Variants in MACF1 observed in about 807,000 individuals in gnomAD.
MACF1 encodes microtubule actin crosslinking factor 1.
In MACF1, 193 loss-of-function variants were observed where a neutral mutation model predicts 854.8. The ratio of observed to expected loss-of-function variants is 0.23; its 90% CI spans 0.20 to 0.25. The LOEUF is 0.25. Among genes scored for constraint, MACF1 ranks in the 10% least tolerant of loss-of-function variants. The pLI, the probability that MACF1 is intolerant of heterozygous loss-of-function variation, is 1.00. For missense variants in MACF1, 7,722 were observed against 8,929.1 expected, an observed-to-expected ratio of 0.86 and a Z score of 5.45; for synonymous variants, 3,185 against 3,226.7, an observed-to-expected ratio of 0.99 and a Z score of 0.44.
intron 50 of MACF1, among the ~76,000 whole-genome samples, chr1:39,368,945 A>G (rs61779278): frequency 0.16 from 24,182 of 151,926 alleles, 2,406 homozygotes; most frequent in Middle Eastern, 0.22. Flanking sequence ...AAGAAGAGAA[A>G]AATTGGAAGA....
At chr1:39,192,100 G>A (rs766632900) in intron 2 of MACF1, among the ~76,000 whole-genome samples, 15 of 151,942 alleles carry the variant, frequency 9.9e-5, no homozygotes, top group Non-Finnish European at 1.8e-4. Flanking sequence ...GCAGTGAGCC[G>A]ATATCTCACC....
intron 6 of MACF1, among the ~76,000 whole-genome samples, chr1:39,276,477 C>A: frequency 6.6e-6 from 1 of 152,154 alleles, no homozygotes; most frequent in Middle Eastern, 3.2e-3. Context: ...TATCGGTTCC[C>A]AATTTAAACC....
chr1:39,250,025 C>T lies in MACF1; in HGVS notation c.183C>T (p.His61=). 1 of 1,610,366 alleles carries T rather than the reference C, an allele frequency of 6.2e-7. No individual in the cohort carries two copies. The highest frequency in any genetic ancestry group is 8.5e-7 in the Non-Finnish European group (1 of 1,177,142). Residue 61 remains histidine (H), a synonymous_variant, in exon 3 of 101, where the codon CAC becomes CAT. Transcript: ENST00000564288. ...VNKHLMKVRK[H]INDLYEDLRD... ...ACTCTCATTCACAGGTCCGCAAGCA[C>T]ATCAATGATCTTTATGAAGATCTGC...
chr1:39,325,906 A>C (rs778925531), intron 35 of MACF1, among the ~76,000 whole-genome samples: 27 of 152,190 alleles, frequency 1.8e-4, no homozygotes, highest in Non-Finnish European at 1.6e-4. Context: ...ATTGTGACCC[A>C]GTTGAGATTG....
chr1:39,430,689 T>C lies in MACF1; in HGVS notation c.17131-13T>C. 6.2e-7 allele frequency: 1 copy of C among 1,609,052 alleles called. No homozygotes were observed. On this transcript the variant is annotated splice_polypyrimidine_tract_variant and intron_variant, in intron 65 of 100. Coordinates refer to ENST00000564288, the MANE Select transcript of MACF1 (RefSeq NM_001394062.1). ...TAGCAAGGTATGGCCTGAAAACTCTTTTCCCTCCTTAGGAATTAAAGAAGG... is the reference window on the plus strand; with the variant it reads ...TAGCAAGGTATGGCCTGAAAACTCTCTTCCCTCCTTAGGAATTAAAGAAGG...
intron 92 of MACF1, among the ~76,000 whole-genome samples, chr1:39,461,007 G>C (rs1403512760): frequency 6.6e-6 from 1 of 151,688 alleles, no homozygotes; most frequent in Non-Finnish European, 1.5e-5. Context: ...ACCTGAGCCT[G>C]GGGAGGTCAA....
At chr1:39,400,328 G>A (rs1294588678) in intron 58 of MACF1, among the ~76,000 whole-genome samples, 1 of 151,774 alleles carries the variant, frequency 6.6e-6, no homozygotes, top group African/African-American at 2.4e-5. Flanking sequence ...TACAAATATT[G>A]GTAAATCATA....
At chr1:39,241,224 TAAC>T (rs1272852373) in intron 2 of MACF1, among the ~76,000 whole-genome samples, 1 of 152,164 alleles carries the variant, frequency 6.6e-6, no homozygotes, top group East Asian at 1.9e-4. Context: ...AGAGAGTAAA[TAAC>T]ATTACTTTTC....
chr1:39,405,792 G>C (rs1333948378), intron 58 of MACF1, among the ~76,000 whole-genome samples: 1 of 152,194 alleles, frequency 6.6e-6, no homozygotes, highest in Non-Finnish European at 1.5e-5. Flanking sequence ...TGTGGTTACA[G>C]GGGTGGGGGA....
intron 58 of MACF1, among the ~76,000 whole-genome samples, chr1:39,419,480 G>C (rs1435970350): frequency 6.6e-6 from 1 of 151,788 alleles, no homozygotes; most frequent in Non-Finnish European, 1.5e-5. Context: ...TTTCAGATTT[G>C]GGATGCTCAA....
At chr1:39,129,025 A>G (rs532503764) in intron 2 of MACF1, among the ~76,000 whole-genome samples, 2 of 152,150 alleles carry the variant, frequency 1.3e-5, no homozygotes, top group African/African-American at 4.8e-5. Flanking sequence ...GCCTAACACA[A>G]TGTCCTACAT....
At chr1:39,236,752 C>G (rs141723741) in intron 2 of MACF1, among the ~76,000 whole-genome samples, 2 of 152,078 alleles carry the variant, frequency 1.3e-5, no homozygotes, top group Non-Finnish European at 2.9e-5. Flanking sequence ...ACCTCTGCCT[C>G]CTGGGTTCAA....
chr1:39,311,174 C>T (rs1557580670), intron 26 of MACF1, among the ~76,000 whole-genome samples, 174 bp downstream of exon 26: 1 of 152,216 alleles, frequency 6.6e-6, no homozygotes, highest in Non-Finnish European at 1.5e-5. Flanking sequence ...GTGATTTCAG[C>T]TCCATGTGTA....
At chr1:39,436,387 T>G in intron 70 of MACF1, 1 of 1,303,162 alleles carries the variant, frequency 7.7e-7, no homozygotes, top group Non-Finnish European at 1.1e-6. Flanking sequence ...CTCACTCACA[T>G]TGTGGAATGT....
intron 1 of MACF1, among the ~76,000 whole-genome samples, chr1:39,209,192 C>T (rs972150328): frequency 6.6e-6 from 1 of 151,776 alleles, no homozygotes; most frequent in Non-Finnish European, 1.5e-5. Context: ...TCCACTCCAG[C>T]CTGGGCAACA....
intron 2 of MACF1, among the ~76,000 whole-genome samples, chr1:39,246,173 T>C (rs1644979231): frequency 6.6e-6 from 1 of 152,222 alleles, no homozygotes; most frequent in Admixed American, 6.5e-5. Flanking sequence ...TAATTTTGGC[T>C]GTTCCCTGAG....
rs752129552 is a variant in MACF1 at position 39,084,205 on chromosome 1, C to T, written c.-14C>T. 6.8e-6 allele frequency: 11 copies of T among 1,610,528 alleles called. No homozygotes were observed. Among genetic ancestry groups the T allele is most frequent in the Admixed American group, 1.7e-5 (1 of 60,018 alleles). On this transcript the variant is annotated 5_prime_UTR_variant, in exon 2 of 94. Transcript: ENST00000361689. This position sits in a 1 kb window ranked among gnomAD's most constrained non-coding sequence, Gnocchi z 5.2. ...GGGCTCCCAGGCCCTCCTGCAGCAG[C>T]CCCCGCCTGGGCCATGTCTTCCTCA...
chr1:39,146,580 G>A (rs1032771812), intron 2 of MACF1, among the ~76,000 whole-genome samples: 6 of 152,082 alleles, frequency 3.9e-5, no homozygotes, highest in Admixed American at 2.0e-4. Flanking sequence ...TATGTTAAGC[G>A]AAATAAGCCA....
intron 14 of MACF1, among the ~76,000 whole-genome samples, chr1:39,286,387 C>CCAT (rs1645642850): frequency 6.6e-6 from 1 of 152,040 alleles, no homozygotes; most frequent in African/African-American, 2.4e-5. Flanking sequence ...CATTGGTGAT[C>CCAT]CATCACATTC....
Sources: gnomAD v4.1 joint callset for allele counts (sites outside exome capture counted in the v4.1 genomes callset) on GRCh38, gnomAD v4.1.1 for gene constraint, Gnocchi (gnomAD v3.1) non-coding constraint, MANE v1.5 for transcripts, NCBI Gene and HGNC (gene_info 2026-07-23, HGNC 2026-07-21) for gene names.